BPIFB4: variants seen among roughly 807,000 people sequenced by gnomAD.
BPIFB4 encodes the protein BPI fold containing family B member 4, also known as BPI fold-containing family B member 4.
Under a neutral mutation model 69.2 loss-of-function variants are expected in BPIFB4, and 62 were observed. The observed-to-expected ratio is 0.90, with a 90% CI of 0.73 to 1.11. The LOEUF (loss-of-function observed/expected upper bound fraction) is 1.11. BPIFB4 is among the 50% of genes least tolerant of loss of function. BPIFB4 has a pLI of 0.00. For synonymous variants in BPIFB4, 330 were observed against 332.7 expected (o/e 0.99, Z 0.09); for missense variants, 789 against 792.0 (o/e 1.00, Z 0.04).
In BPIFB4 at chr20:33,099,640, C is replaced by T. The variant is rs116877780; in HGVS notation, c.1570-786C>T. On this transcript the variant is annotated intron_variant, in intron 13 of 17. Transcript: ENST00000375483. ...CTGGCCTTTGCCCATGCCCTCCCCA[C>T]TGCCTGGATTACTCTCCCACCCTCT... Among the ~76,000 whole-genome samples, 874 of 152,318 alleles carry T rather than the reference C, an allele frequency of 5.7e-3. 6 individuals carry two copies. Among genetic ancestry groups the T allele is most frequent in the Non-Finnish European group, 8.3e-3 (568 of 68,034 alleles).
intron 11 of BPIFB4, among the ~76,000 whole-genome samples, chr20:33,092,948 T>A (rs1025927044): frequency 3.3e-5 from 5 of 152,222 alleles, no homozygotes; most frequent in African/African-American, 1.2e-4. Context: ...ATAACATATA[T>A]TCACATATAT....
At chr20:33,095,923 G>C (rs1421420199) in intron 12 of BPIFB4, among the ~76,000 whole-genome samples, 1 of 152,136 alleles carries the variant, frequency 6.6e-6, no homozygotes, top group Non-Finnish European at 1.5e-5. Context: ...CTGGTTCTGG[G>C]CCTATTACCT....
At chr20:33,108,664 G>A (rs918969676) in intron 17 of BPIFB4, among the ~76,000 whole-genome samples, 2 of 152,006 alleles carry the variant, frequency 1.3e-5, no homozygotes, top group African/African-American at 4.8e-5. Context: ...ATAAAAAGGG[G>A]CTAATCATAC....
At chr20:33,101,703 G>A (rs914794813) in intron 14 of BPIFB4, among the ~76,000 whole-genome samples, 3 of 151,910 alleles carry the variant, frequency 2.0e-5, no homozygotes, top group Non-Finnish European at 2.9e-5. Flanking sequence ...GCACCACCAC[G>A]CCAGACTAAT....
At chr20:33,082,587 C>T (rs1392347538) in intron 3 of BPIFB4, among the ~76,000 whole-genome samples, 1 of 152,214 alleles carries the variant, frequency 6.6e-6, no homozygotes, top group East Asian at 1.9e-4. Context: ...CCTCCTCAGC[C>T]TCTCAAAGTG....
chr20:33,100,475 T>C lies in BPIFB4; in HGVS notation c.1619T>C (p.Ile540Thr). The C allele has an allele frequency of 2.5e-6, 4 of 1,608,232 alleles. No individual in the cohort carries two copies. The highest frequency in any genetic ancestry group is 1.1e-5 in the South Asian group (1 of 90,928). ...SFSTEGDKLM[I>T]DAKLEKTSLN... ...TCCACAGAAGGAGATAAGCTCATGA[T>C]TGATGCCAAGCTGGAGAAGTAAGGG... is the stretch of plus-strand genomic sequence containing the variant. The change falls in exon 14 of 18, where the codon ATT becomes ACT. Residue 540 changes from isoleucine (I) to threonine (T), a missense_variant. Physicochemically the swap from Ile to Thr is moderately conservative, Grantham distance 89 (BLOSUM62 -1). Coordinates refer to ENST00000375483, the MANE Select transcript of BPIFB4 (RefSeq NM_182519.3).
At chr20:33,107,100 A>G (rs990980218) in intron 16 of BPIFB4, among the ~76,000 whole-genome samples, 1 of 152,064 alleles carries the variant, frequency 6.6e-6, no homozygotes, top group Non-Finnish European at 1.5e-5. Flanking sequence ...GTTACTCAGG[A>G]GGCTGAGGCA....
In BPIFB4 at chr20:33,090,761, C is replaced by T. The variant is rs1981575711; in HGVS notation, c.1105C>T (p.Pro369Ser). Reference sequence around the variant, plus strand: ...TGTCCAGTACACCTTCTCCAGCCTCCCGCTTGTGACCGGGGAATTCCTGGA... The same window carrying T: ...TGTCCAGTACACCTTCTCCAGCCTCTCGCTTGTGACCGGGGAATTCCTGGA... Reference protein sequence around the residue: ...GSVQYTFSSLPLVTGEFLELD... With the variant: ...GSVQYTFSSLSLVTGEFLELD... The change falls in exon 10 of 18, where the codon CCG becomes TCG. Residue 369 changes from proline to serine, a missense_variant. Physicochemically the swap from Pro to Ser is moderately conservative, Grantham distance 74. Coordinates refer to ENST00000375483, the MANE Select transcript of BPIFB4 (RefSeq NM_182519.3). 2 of 1,614,184 alleles carry T rather than the reference C, an allele frequency of 1.2e-6. No individual in the cohort carries two copies. Among genetic ancestry groups the T allele is most frequent in the East Asian group, 2.2e-5 (1 of 44,878 alleles).
At position 33,095,074 on chromosome 20, in the gene BPIFB4, A is replaced by G. The variant is rs780509396; in HGVS notation, c.1345-26A>G. 1.9e-6 allele frequency: 3 copies of G among 1,592,978 alleles called. No individual in the cohort carries two copies. The Admixed American group carries it at 5.0e-5, about 27-fold the overall frequency. On this transcript the variant is annotated intron_variant, in intron 11 of 17. Coordinates refer to ENST00000375483, the MANE Select transcript of BPIFB4 (RefSeq NM_182519.3). ...TCTGTACCGATAGCCTCCAGGATTC[A>G]CGTGGCCCTTCTTCTTGTCCTATAG... is the stretch of plus-strand genomic sequence containing the variant.
intron 17 of BPIFB4, among the ~76,000 whole-genome samples, chr20:33,108,078 C>T (rs1267718269): frequency 2.0e-5 from 3 of 152,198 alleles, no homozygotes; most frequent in Non-Finnish European, 4.4e-5. Context: ...GATGTGAGAA[C>T]TGAGGCTCAC....
chr20:33,084,730 T>A (rs1410750438), intron 5 of BPIFB4, among the ~76,000 whole-genome samples, 162 bp from the exon 6 acceptor site: 4 of 152,236 alleles, frequency 2.6e-5, no homozygotes. Flanking sequence ...TGCCTTAATT[T>A]CTCTGTTTTC....
chr20:33,089,742 A>G (rs1235473915), intron 9 of BPIFB4, among the ~76,000 whole-genome samples, 184 bp downstream of exon 9: 1 of 151,540 alleles, frequency 6.6e-6, no homozygotes, highest in Non-Finnish European at 1.5e-5. Flanking sequence ...CCCCCCGAGT[A>G]CCAGAGGGAG....
At chr20:33,095,819 C>CT (rs1424169411) in intron 12 of BPIFB4, among the ~76,000 whole-genome samples, 1 of 152,034 alleles carries the variant, frequency 6.6e-6, no homozygotes, top group African/African-American at 2.4e-5. Flanking sequence ...CACATTACTT[C>CT]TTTTTTTAAA....
intron 17 of BPIFB4, 40 bp downstream of exon 17, chr20:33,107,860 C>T (rs1157252522): frequency 6.4e-7 from 1 of 1,551,054 alleles, no homozygotes; most frequent in East Asian, 2.2e-5. Context: ...TTCCTCCCTG[C>T]CCTTTGCTCA....
chr20:33,084,082 CT>C (rs1600552975), intron 5 of BPIFB4, among the ~76,000 whole-genome samples: 1 of 152,130 alleles, frequency 6.6e-6, no homozygotes, highest in Non-Finnish European at 1.5e-5. Flanking sequence ...CCCAGTTCAG[CT>C]TTTCATGTTT....
intron 17 of BPIFB4, among the ~76,000 whole-genome samples, chr20:33,110,687 C>A (rs1982209188): frequency 6.6e-6 from 1 of 151,644 alleles, no homozygotes; most frequent in Non-Finnish European, 1.5e-5. Context: ...GAAGAGCTGT[C>A]CCTTCTCTTC....
chr20:33,107,080 T>C (rs1982080091), intron 16 of BPIFB4, among the ~76,000 whole-genome samples: 1 of 152,008 alleles, frequency 6.6e-6, no homozygotes, highest in Non-Finnish European at 1.5e-5. Context: ...GGCGCACGCC[T>C]GTAGTCCCAG....
chr20:33,100,453 A>G lies in BPIFB4; in HGVS notation c.1597A>G (p.Thr533Ala), dbSNP rs370431635. ...VDTEFLASFS[T>A]EGDKLMIDAK... ...CACAGAATTCTTGGCCTCATTTTCC[A>G]CAGAAGGAGATAAGCTCATGATTGA... Residue 533 changes from threonine (T) to alanine (A), a missense_variant, in exon 14 of 18, where the codon ACA (threonine) becomes GCA (alanine). Physicochemically the swap from Thr to Ala is moderately conservative, Grantham distance 58. Coordinates refer to ENST00000375483, the MANE Select transcript of BPIFB4 (RefSeq NM_182519.3). 7.6e-5 allele frequency: 122 copies of G among 1,606,894 alleles called. No individual in the cohort carries two copies. Among genetic ancestry groups the G allele is most frequent in the Non-Finnish European group, 9.8e-5 (115 of 1,173,548 alleles).
rs144358822 is a variant in BPIFB4, at chr20:33,107,544, G to A, written c.1745-200G>A. Among the ~76,000 whole-genome samples, 133 of 152,310 alleles carry A rather than the reference G, an allele frequency of 8.7e-4. 1 individual carries two copies. In the South Asian group the frequency reaches 0.014, roughly 16 times the overall value. On this transcript the variant is annotated intron_variant, in intron 16 of 17. Transcript: ENST00000375483. The stretch of plus-strand genomic sequence containing the variant: ...CCAGCTACTTGGGAGGCTGAGGCAG[G>A]AGAATCACTTGAACCTGGGAGGTGG...
Sources: allele counts gnomAD v4.1 joint callset (sites outside exome capture counted in the v4.1 genomes callset), GRCh38; gene constraint gnomAD v4.1.1; transcripts MANE v1.5; gene names NCBI Gene and HGNC (gene_info 2026-07-23, HGNC 2026-07-21).